The following ADGRL3 variants were observed in gnomAD, a reference collection of about 807,000 sequenced individuals.
ADGRL3 encodes the protein adhesion G protein-coupled receptor L3.
Under a neutral mutation model 153.5 loss-of-function variants are expected in ADGRL3, and 62 were observed. That is an observed-to-expected ratio of 0.40 (90% CI 0.33 to 0.50). The LOEUF (loss-of-function observed/expected upper bound fraction) is 0.50, where lower values mean the gene tolerates loss of function less well. Ranked by LOEUF, ADGRL3 falls within the 20% of genes least tolerant of loss-of-function variation. ADGRL3 has a pLI of 0.47. For synonymous variants in ADGRL3, 710 were observed against 672.5 expected, an observed-to-expected ratio of 1.06 and a Z score of -0.86; for missense variants, 1,641 against 1,859.4, an observed-to-expected ratio of 0.88 and a Z score of 2.16.
rs548986111 is a variant in ADGRL3, at chr4:61,923,755, T to C, written c.2112+10998T>C. On this transcript the variant is annotated intron_variant, in intron 13 of 26. Coordinates refer to ENST00000683033, the MANE Select transcript of ADGRL3 (RefSeq NM_001387552.1). Reference sequence around the variant, plus strand: ...ATAAATGACCTCTTATGTGAACTTATAACACTCTCAGTTTTCCTCTATTAC... The same window carrying C: ...ATAAATGACCTCTTATGTGAACTTACAACACTCTCAGTTTTCCTCTATTAC... 4.6e-5 allele frequency among the ~76,000 whole-genome samples: 7 copies of C among 152,318 alleles called. No homozygotes were observed. In the East Asian group the frequency reaches 9.7e-4, roughly 21 times the overall value.
intron 1 of ADGRL3, among the ~76,000 whole-genome samples, chr4:61,357,242 C>T (rs1346935940): frequency 6.6e-6 from 1 of 151,866 alleles, no homozygotes; most frequent in East Asian, 1.9e-4. Context: ...TGTTTTGATT[C>T]ACATATGATG....
chr4:61,240,444 C>T (rs1560377826), intron 1 of ADGRL3, among the ~76,000 whole-genome samples: 1 of 152,044 alleles, frequency 6.6e-6, no homozygotes. Flanking sequence ...ATTGTCTGCC[C>T]ATCTCTAAGG....
At chr4:61,931,209 C>T (rs2098816192) in intron 13 of ADGRL3, among the ~76,000 whole-genome samples, 1 of 152,102 alleles carries the variant, frequency 6.6e-6, no homozygotes, top group African/African-American at 2.4e-5. Context: ...TCTCCAATTC[C>T]TCAAAGCTCC....
intron 6 of ADGRL3, among the ~76,000 whole-genome samples, chr4:61,696,869 G>T (rs577923479): frequency 6.6e-5 from 10 of 151,718 alleles, no homozygotes; most frequent in Non-Finnish European, 1.2e-4. Context: ...TAGAGACGAG[G>T]TTTCACCATG....
intron 3 of ADGRL3, among the ~76,000 whole-genome samples, chr4:61,506,963 A>C (rs1474847659): frequency 6.6e-6 from 1 of 152,166 alleles, no homozygotes; most frequent in Admixed American, 6.5e-5. Context: ...TGTATTTATA[A>C]AAGAACAAAT....
At chr4:61,465,151 G>T (rs1334886494) in intron 2 of ADGRL3, among the ~76,000 whole-genome samples, 1 of 152,114 alleles carries the variant, frequency 6.6e-6, no homozygotes, top group Admixed American at 6.6e-5. Context: ...CCTAGTTAAT[G>T]CAGCAGTTTA....
chr4:61,709,010 A>G (rs538495276), intron 6 of ADGRL3, among the ~76,000 whole-genome samples: 52 of 152,054 alleles, frequency 3.4e-4, no homozygotes, highest in African/African-American at 1.2e-3. Flanking sequence ...ATGTCTCACC[A>G]TGTTGGCCAG....
intron 6 of ADGRL3, among the ~76,000 whole-genome samples, chr4:61,702,801 C>A (rs2095791599): frequency 6.6e-6 from 1 of 152,134 alleles, no homozygotes; most frequent in Non-Finnish European, 1.5e-5. Flanking sequence ...TTTCTGCATT[C>A]TAAGCACTTA....
intron 2 of ADGRL3, among the ~76,000 whole-genome samples, chr4:61,404,099 G>T (rs895132198): frequency 4.6e-5 from 7 of 152,002 alleles, no homozygotes; most frequent in Non-Finnish European, 1.0e-4. Context: ...CTAGTTAATA[G>T]ATATATAATA....
intron 1 of ADGRL3, among the ~76,000 whole-genome samples, chr4:61,369,723 T>A (rs1244123425): frequency 6.6e-6 from 1 of 152,178 alleles, no homozygotes; most frequent in African/African-American, 2.4e-5. Flanking sequence ...CGGTTTGGTA[T>A]CAGAATGATG....
At chr4:61,481,598 T>G (rs1016631754) in intron 2 of ADGRL3, among the ~76,000 whole-genome samples, 2 of 152,088 alleles carry the variant, frequency 1.3e-5, no homozygotes, top group Non-Finnish European at 2.9e-5. Flanking sequence ...ATTGGGATTT[T>G]ATATATTAAT....
intron 21 of ADGRL3, among the ~76,000 whole-genome samples, chr4:62,013,416 C>A (rs1255470402): frequency 6.6e-6 from 1 of 151,962 alleles, no homozygotes; most frequent in Admixed American, 6.6e-5. Context: ...GTGGCACGCA[C>A]CTGTAATCCC....
At chr4:61,696,670 C>CTTTTTTT (rs34306284) in intron 6 of ADGRL3, among the ~76,000 whole-genome samples, 78 of 102,014 alleles carry the variant, frequency 7.6e-4, no homozygotes, top group African/African-American at 9.9e-4. Flanking sequence ...TTTTTTTAAC[C>CTTTTTTT]TTTTTTTTTT....
At chr4:61,629,023 G>A (rs1161749218) in intron 5 of ADGRL3, among the ~76,000 whole-genome samples, 1 of 152,134 alleles carries the variant, frequency 6.6e-6, no homozygotes, top group African/African-American at 2.4e-5. Flanking sequence ...CAGCACTAGG[G>A]TAACAAATCC....
intron 1 of ADGRL3, among the ~76,000 whole-genome samples, chr4:61,340,759 A>T (rs982677244): frequency 1.1e-4 from 16 of 151,884 alleles, no homozygotes; most frequent in African/African-American, 3.4e-4. Context: ...ATAAGTACTG[A>T]TACATCAAGA....
At chr4:61,381,314 T>TGTGTGTGA (rs2096665485) in intron 1 of ADGRL3, among the ~76,000 whole-genome samples, 1 of 151,256 alleles carries the variant, frequency 6.6e-6, no homozygotes, top group Non-Finnish European at 1.5e-5. Context: ...TGTGTGTGTG[T>TGTGTGTGA]GTGTGTGTGT....
intron 21 of ADGRL3, among the ~76,000 whole-genome samples, chr4:62,015,511 G>A (rs28373522): frequency 0.023 from 3,430 of 152,194 alleles, 132 homozygotes; most frequent in African/African-American, 0.079. Context: ...ACCAAGATAT[G>A]ACTCAAAAGG....
intron 13 of ADGRL3, among the ~76,000 whole-genome samples, chr4:61,928,121 CAT>C (rs961211749): frequency 8.2e-4 from 125 of 151,726 alleles, no homozygotes; most frequent in African/African-American, 2.8e-3. Context: ...TTCAGGAAAA[CAT>C]ATTTAAAAAG....
rs923122835 is a variant in ADGRL3 at position 62,071,169 on chromosome 4, C to T, written c.*261C>T. 1 of 355,768 alleles carries T rather than the reference C, an allele frequency of 2.8e-6. No homozygotes were observed. The highest frequency in any genetic ancestry group is 2.1e-5 in the African/African-American group (1 of 48,646). 22.0% of individuals were successfully genotyped at this position (355,768 alleles called of 1,614,324 possible). A position where few individuals can be genotyped will look rare whatever the true frequency, so the allele number is the denominator to read the frequency against. On this transcript the variant is annotated 3_prime_UTR_variant, in exon 27 of 27. Transcript: ENST00000683033. The stretch of plus-strand genomic sequence containing the variant: ...ATGGAGACTTCATTATGTTAATGAA[C>T]AAGATATGAAGAAAATGGCACTCAT...
Sources: allele counts gnomAD v4.1 joint callset (sites outside exome capture counted in the v4.1 genomes callset), GRCh38; gene constraint gnomAD v4.1.1; transcripts MANE v1.5; gene names NCBI Gene and HGNC (gene_info 2026-07-23, HGNC 2026-07-21).